The following CEP192 variants were observed in gnomAD, a reference collection of about 807,000 sequenced individuals.
The protein encoded by CEP192 is centrosomal protein 192.
In CEP192, 151 loss-of-function variants were observed where a neutral mutation model predicts 271.8. That is an observed-to-expected ratio of 0.56 (90% CI 0.49 to 0.64). CEP192 has a LOEUF of 0.64. Ranked by LOEUF, CEP192 falls within the 30% of genes least tolerant of loss-of-function variation. The pLI is 0.00. For missense variants in CEP192, 2,910 were observed against 3,020.5 expected, an observed-to-expected ratio of 0.96 and a Z score of 0.86; for synonymous variants, 995 against 1,076.5, an observed-to-expected ratio of 0.92 and a Z score of 1.48.
At chr18:13,067,105 G>A (rs2037749240) in intron 21 of CEP192, among the ~76,000 whole-genome samples, 1 of 151,984 alleles carries the variant, frequency 6.6e-6, no homozygotes, top group African/African-American at 2.4e-5. Context: ...AGTTGCATCT[G>A]TATTGAACAT....
chr18:13,017,209 T>C lies in CEP192; in HGVS notation c.662T>C (p.Met221Thr), dbSNP rs780304923. The C allele has an allele frequency of 1.3e-5, 20 of 1,546,852 alleles. No homozygotes were observed. The highest frequency in any genetic ancestry group is 1.7e-5 in the Non-Finnish European group (20 of 1,145,596). ...ATAGATGATGATATTGATGATGAAA[T>C]GTTTTATGATGATCATTTGGAGGCT... The part of the protein sequence containing the change: ...DSSDDDIDDE[M>T]FYDDHLEAYF... Residue 221 changes from methionine (M) to threonine (T), a missense_variant, in exon 7 of 45, where the codon ATG becomes ACG. Coordinates refer to ENST00000506447, the MANE Select transcript of CEP192 (RefSeq NM_032142.4).
At chr18:13,050,007 T>C (rs1043929482) in intron 17 of CEP192, 116 bp downstream of exon 17, 2 of 806,280 alleles carry the variant, frequency 2.5e-6, no homozygotes, top group Non-Finnish European at 3.8e-6. Flanking sequence ...AGGTAACTCT[T>C]GTAAGCTGTG....
In CEP192 at chr18:13,105,832, T is replaced by A. The variant is rs563688540; in HGVS notation, c.7047+753T>A. Among the ~76,000 whole-genome samples the A allele has an allele frequency of 3.8e-4, 58 of 152,304 alleles. 1 individual carries two copies. The highest frequency in any genetic ancestry group is 5.4e-4 in the Non-Finnish European group (37 of 68,026). On this transcript the variant is annotated intron_variant, in intron 40 of 44. Transcript: ENST00000506447. ...AGCAGAAGAACAGGGGATAAGCACA[T>A]TGCTCAAATAAAGTTCAGTGTATGA...
chr18:13,097,739 A>C (rs2039475027), intron 36 of CEP192, among the ~76,000 whole-genome samples: 1 of 149,372 alleles, frequency 6.7e-6, no homozygotes, highest in Non-Finnish European at 1.5e-5. Context: ...GAAGGTCAGC[A>C]GATAAACAAG....
intron 40 of CEP192, among the ~76,000 whole-genome samples, chr18:13,109,415 A>T (rs1195636292): frequency 6.6e-6 from 1 of 152,192 alleles, no homozygotes; most frequent in Non-Finnish European, 1.5e-5. Context: ...GGGCTGAAAA[A>T]TTAACTATTG....
intron 36 of CEP192, 128 bp downstream of exon 36, chr18:13,096,435 C>A: frequency 8.0e-7 from 1 of 1,252,268 alleles, no homozygotes; most frequent in Non-Finnish European, 1.1e-6. Context: ...CTGCACAAAG[C>A]ATGTGCATGG....
chr18:13,066,123 A>G (rs574963853), intron 21 of CEP192, among the ~76,000 whole-genome samples: 7 of 152,306 alleles, frequency 4.6e-5, no homozygotes, highest in Non-Finnish European at 1.0e-4. Flanking sequence ...CTTCAACTAG[A>G]TAAAGACAGC....
At chr18:13,048,766 T>G (rs1598445112) in intron 15 of CEP192, 93 bp from the exon 16 acceptor site, 1 of 820,598 alleles carries the variant, frequency 1.2e-6, no homozygotes. Context: ...CACTTGGAGG[T>G]TTTGAAACGC....
At chr18:13,033,488 T>C (rs893217853) in intron 11 of CEP192, among the ~76,000 whole-genome samples, 3 of 152,182 alleles carry the variant, frequency 2.0e-5, no homozygotes, top group Admixed American at 6.5e-5. Context: ...GCACCGCGTC[T>C]ACCTATAATG....
intron 33 of CEP192, among the ~76,000 whole-genome samples, chr18:13,089,864 G>T (rs573167240): frequency 6.6e-6 from 1 of 152,168 alleles, no homozygotes; most frequent in Non-Finnish European, 1.5e-5. Flanking sequence ...GTTACTTTCT[G>T]CACTTATTCT....
chr18:13,053,356 A>G (rs947037049), intron 18 of CEP192, among the ~76,000 whole-genome samples: 1 of 152,124 alleles, frequency 6.6e-6, no homozygotes, highest in Non-Finnish European at 1.5e-5. Context: ...CGCGCATACT[A>G]TGGGGACTCA....
chr18:12,996,792 C>T (rs980330930), intron 1 of CEP192, among the ~76,000 whole-genome samples: 3 of 152,086 alleles, frequency 2.0e-5, no homozygotes, highest in Non-Finnish European at 4.4e-5. Flanking sequence ...GAAGAAGGAC[C>T]GGAGGTAGAT....
Position 13,053,088 on chromosome 18 carries a change from A to G in CEP192, c.3187A>G (p.Lys1063Glu). 1 of 1,599,996 alleles carries G rather than the reference A, an allele frequency of 6.3e-7. No homozygotes were observed. The highest frequency in any genetic ancestry group is 8.5e-7 in the Non-Finnish European group (1 of 1,173,280). ...CACAGATGATGCCCTGGAGGACCGC[A>G]AGGTGGGCAGCCACTTGGATTATTT... ...TATDDALEDR[K>E]SDITSELSTT... The change falls in exon 18 of 45, where the codon AAG becomes GAG. Residue 1063 changes from lysine (K) to glutamate (E), a missense_variant and splice_region_variant. By Grantham distance (56) the Lys-to-Glu change is moderately conservative. Transcript: ENST00000506447.
chr18:13,030,592 A>T lies in CEP192; in HGVS notation c.1518A>T (p.Glu506Asp). The T allele has an allele frequency of 6.2e-7, 1 of 1,609,282 alleles. No individual in the cohort carries two copies. The highest frequency in any genetic ancestry group is 8.5e-7 in the Non-Finnish European group (1 of 1,176,354). The change falls in exon 11 of 45, where the codon GAA becomes GAT. Residue 506 changes from glutamate (E) to aspartate (D), a missense_variant. Coordinates refer to ENST00000506447, the MANE Select transcript of CEP192 (RefSeq NM_032142.4). ...TGTCTCTAAGTGATGAGATGAATGA[A>T]GACTTCAGATCTGGTTGTAAGTATA... Reference protein sequence around the residue: ...LNVSLSDEMNEDFRSGSEAFD... With the variant: ...LNVSLSDEMNDDFRSGSEAFD...
At position 13,001,578 on chromosome 18, in the gene CEP192, G is replaced by C. The variant is rs374489828; in HGVS notation, c.286G>C (p.Asp96His). Residue 96 changes from aspartate (D) to histidine (H), a missense_variant, in exon 3 of 45, where the codon GAT becomes CAT. Transcript: ENST00000506447. ...RERLQLSFQD[D>H]DSISRKKSYV... ...GAGGTTACAGCTTAGCTTCCAGGATGATGAGTAAGTTCATACCTTCATTTG... is the reference window on the plus strand; with the variant it reads ...GAGGTTACAGCTTAGCTTCCAGGATCATGAGTAAGTTCATACCTTCATTTG... 1.7e-5 allele frequency: 26 copies of C among 1,546,674 alleles called. No homozygotes were observed. The highest frequency in any genetic ancestry group is 2.7e-5 in the African/African-American group (2 of 72,854).
chr18:13,037,986 A>T (rs2036002498), intron 12 of CEP192, among the ~76,000 whole-genome samples: 1 of 152,076 alleles, frequency 6.6e-6, no homozygotes, highest in Admixed American at 6.5e-5. Flanking sequence ...TGTTTAATGA[A>T]GCAATAGATG....
At chr18:13,064,298 C>G (rs1168492938) in intron 21 of CEP192, among the ~76,000 whole-genome samples, 1 of 151,430 alleles carries the variant, frequency 6.6e-6, no homozygotes, top group African/African-American at 2.4e-5. Context: ...AGTGTATGTT[C>G]TTGGCACCTT....
At chr18:13,010,579 G>C (rs1395129588) in intron 4 of CEP192, among the ~76,000 whole-genome samples, 2 of 152,336 alleles carry the variant, frequency 1.3e-5, no homozygotes, top group Non-Finnish European at 2.9e-5. Context: ...GGGCACGGTG[G>C]CTCACACCGG....
At chr18:13,118,137 C>A (rs1299444462) in intron 44 of CEP192, among the ~76,000 whole-genome samples, 2 of 152,156 alleles carry the variant, frequency 1.3e-5, no homozygotes, top group Non-Finnish European at 2.9e-5. Context: ...GTCGCTCTTG[C>A]TAATTTTCTT....
Sources: allele counts gnomAD v4.1 joint callset (sites outside exome capture counted in the v4.1 genomes callset), GRCh38; gene constraint gnomAD v4.1.1; transcripts MANE v1.5; gene names NCBI Gene and HGNC (gene_info 2026-07-23, HGNC 2026-07-21).